Variants in SLC44A2 observed in about 807,000 individuals in gnomAD.
SLC44A2 encodes the protein solute carrier family 44 member 2 (CTL2 blood group), also known as choline transporter-like protein 2.
A neutral mutation model predicts 90.8 loss-of-function variants in SLC44A2; 57 were observed. The observed-to-expected ratio is 0.63, with a 90% CI of 0.51 to 0.78. The LOEUF (loss-of-function observed/expected upper bound fraction) is 0.78, where lower values mean the gene tolerates loss of function less well. Ranked by LOEUF, SLC44A2 falls within the 30% of genes least tolerant of loss-of-function variation. The probability of loss-of-function intolerance (pLI) is 0.00; values close to 1 mark genes in which losing one functional copy is unlikely to be tolerated. For missense variants in SLC44A2, 794 were observed against 919.7 expected (o/e 0.86, Z 1.77); for synonymous variants, 355 against 360.7 (o/e 0.98, Z 0.18).
intron 1 of SLC44A2, among the ~76,000 whole-genome samples, chr19:10,610,361 T>C (rs1421992730): frequency 1.4e-5 from 2 of 144,234 alleles, no homozygotes; most frequent in African/African-American, 5.1e-5. Flanking sequence ...AGACTGAGTC[T>C]CACTCAGTCA....
chr19:10,610,456 C>G (rs1195450508), intron 1 of SLC44A2, among the ~76,000 whole-genome samples: 3 of 149,536 alleles, frequency 2.0e-5, no homozygotes, highest in Admixed American at 6.7e-5. Context: ...CTCAGCCTCC[C>G]GAGTAGCTGG....
At position 10,625,797 on chromosome 19, in the gene SLC44A2, C is replaced by A. The variant is rs1425099464; in HGVS notation, c.37+127C>A. On this transcript the variant is annotated intron_variant, in intron 1 of 21. Coordinates refer to ENST00000335757, the MANE Select transcript of SLC44A2 (RefSeq NM_020428.4). The stretch of plus-strand genomic sequence containing the variant: ...CGCAATTGCAAATCTGCGCCTGGAG[C>A]CTCCCCACCATCAGCCAGGCCCCTT... 3.6e-6 allele frequency: 3 copies of A among 828,524 alleles called. No individual in the cohort carries two copies. In the African/African-American group the frequency reaches 5.3e-5, roughly 15 times the overall value. 51.3% of individuals were successfully genotyped at this position (828,524 alleles called of 1,614,324 possible). A position where few individuals can be genotyped will look rare whatever the true frequency, so the allele number is the denominator to read the frequency against.
In SLC44A2 at chr19:10,636,307, C is replaced by G. The variant is rs138905301; in HGVS notation, c.1234-16C>G. On this transcript the variant is annotated splice_polypyrimidine_tract_variant and intron_variant, in intron 14 of 21. Transcript: ENST00000335757. The stretch of plus-strand genomic sequence containing the variant: ...GGTGCCTCTTTTTGGACTCGGTTCT[C>G]CCTTCTCTCCCACAGACCTTCCCCT... 2.7e-4 allele frequency: 435 copies of G among 1,602,140 alleles called. 1 individual carries two copies. The East Asian group carries it at 9.3e-3, about 34-fold the overall frequency.
rs2066923866 is a variant in SLC44A2, at chr19:10,625,601, G to A, written c.-33G>A. The A allele has an allele frequency of 8.0e-7, 1 of 1,242,644 alleles. No homozygotes were observed. Among genetic ancestry groups the A allele is most frequent in the Non-Finnish European group, 1.0e-6 (1 of 989,712 alleles). 77.0% of individuals were successfully genotyped at this position (1,242,644 alleles called of 1,614,324 possible). A position where few individuals can be genotyped will look rare whatever the true frequency, so the allele number is the denominator to read the frequency against. ...GGGTCGAGGGGGCGCGGGAGAGAGC[G>A]CGGGCGGCCGCCGGGGCTGGTCGCC... On this transcript the variant is annotated 5_prime_UTR_variant, in exon 1 of 22. Coordinates refer to ENST00000335757, the MANE Select transcript of SLC44A2 (RefSeq NM_020428.4).
chr19:10,618,175 T>G (rs2066870559), intron 1 of SLC44A2, among the ~76,000 whole-genome samples: 1 of 17,224 alleles, frequency 5.8e-5, no homozygotes, highest in African/African-American at 1.9e-4. Flanking sequence ...TGGCTAATTT[T>G]TTTTTTTTTT....
At chr19:10,636,164 C>A in intron 14 of SLC44A2, 159 bp from the exon 15 acceptor site, 1 of 858,344 alleles carries the variant, frequency 1.2e-6, no homozygotes, top group Non-Finnish European at 1.8e-6. Context: ...CCTTCCTTTG[C>A]ACAAGCCATA....
chr19:10,611,567 C>A (rs1449184543), intron 1 of SLC44A2, among the ~76,000 whole-genome samples: 1 of 146,740 alleles, frequency 6.8e-6, no homozygotes, highest in Non-Finnish European at 1.5e-5. Flanking sequence ...TCCTATAATC[C>A]CAGCTGTTTG....
At position 10,643,307 on chromosome 19, in the gene SLC44A2, G is replaced by A. The variant is rs34625417; in HGVS notation, c.2043G>A (p.Ser681=). 4.7e-3 allele frequency: 7,589 copies of A among 1,604,308 alleles called. 252 individuals are homozygous for A. In the African/African-American group the frequency reaches 0.081, roughly 17 times the overall value. Residue 681 remains serine (S), a synonymous_variant, in exon 22 of 22, where the codon TCG becomes TCA. Transcript: ENST00000335757. ...AGGACCTGGAGAGGAATGACGGCTCGGCCGAGAGGCCTTACTTCATGTCTT... is the reference window on the plus strand; with the variant it reads ...AGGACCTGGAGAGGAATGACGGCTCAGCCGAGAGGCCTTACTTCATGTCTT... ...FLEDLERNDG[S]AERPYFMSST...
rs756502072 is a variant in SLC44A2, at chr19:10,632,086, C to G, written c.753C>G (p.Ile251Met). 1.1e-5 allele frequency: 17 copies of G among 1,614,162 alleles called. No homozygotes were observed. The highest frequency in any genetic ancestry group is 1.4e-5 in the Non-Finnish European group (17 of 1,180,032). Residue 251 changes from isoleucine to methionine, a missense_variant, in exon 10 of 22, where the codon ATC becomes ATG. By Grantham distance (10) the Ile-to-Met change is conservative (BLOSUM62 1). This residue lies in a region of SLC44A2 where 738 missense variants were observed against 841.1 expected (regional missense o/e 0.88). Transcript: ENST00000335757. ...TGGCGATGAGCCTCCTGTTCATCAT[C>G]CTGCTTCGCTTCCTGGCTGGTATTA... is the stretch of plus-strand genomic sequence containing the variant. Reference protein sequence around the residue: ...IAMAMSLLFIILLRFLAGIMV... With the variant: ...IAMAMSLLFIMLLRFLAGIMV...
chr19:10,628,070 C>A, intron 4 of SLC44A2, 66 bp downstream of exon 4: 1 of 1,405,308 alleles, frequency 7.1e-7, no homozygotes, highest in Non-Finnish European at 9.9e-7. Context: ...AGGCATTCCC[C>A]ATCTCTCTAA....
intron 1 of SLC44A2, among the ~76,000 whole-genome samples, chr19:10,610,496 T>A (rs1361300562): frequency 6.7e-6 from 1 of 149,736 alleles, no homozygotes; most frequent in Non-Finnish European, 1.5e-5. Flanking sequence ...CATGCCCGGC[T>A]GATTTTTTTG....
intron 10 of SLC44A2, among the ~76,000 whole-genome samples, chr19:10,633,273 T>C (rs2067016824): frequency 6.6e-6 from 1 of 151,888 alleles, no homozygotes; most frequent in East Asian, 1.9e-4. Flanking sequence ...CAAGCAATTT[T>C]CCTACCTCGC....
In SLC44A2 at chr19:10,631,325, C is replaced by A. The variant is rs1233666275; in HGVS notation, c.381C>A (p.Arg127=). ...GCTACCTCACGTACCTGAATGCTCG[C>A]AGCTCCCGGGACTTTGAGTACTATA... ...PDRYLTYLNA[R]SSRDFEYYKQ... The change falls in exon 6 of 22, where the codon CGC becomes CGA. Residue 127 remains arginine (R), a synonymous_variant. Transcript: ENST00000335757. The A allele has an allele frequency of 6.2e-7, 1 of 1,614,182 alleles. No homozygotes were observed. Among genetic ancestry groups the A allele is most frequent in the South Asian group, 1.1e-5 (1 of 91,084 alleles).
intron 4 of SLC44A2, among the ~76,000 whole-genome samples, 158 bp downstream of exon 4, chr19:10,628,162 A>T (rs1485410339): frequency 1.3e-5 from 2 of 152,142 alleles, no homozygotes; most frequent in Non-Finnish European, 2.9e-5. Context: ...AGGCAGGAAT[A>T]TTGCTTTAGG....
intron 2 of SLC44A2, 87 bp downstream of exon 2, chr19:10,626,388 C>G: frequency 1.0e-6 from 1 of 971,806 alleles, no homozygotes. Flanking sequence ...TGTTCTCCAA[C>G]AAACTGGTGA....
intron 1 of SLC44A2, among the ~76,000 whole-genome samples, chr19:10,604,748 C>T (rs543134949): frequency 6.6e-6 from 1 of 152,174 alleles, no homozygotes; most frequent in South Asian, 2.1e-4. Flanking sequence ...CTGTCAAGCT[C>T]GATGTGCTCA....
rs570362442 is a variant in SLC44A2 at position 10,631,610 on chromosome 19, C to T, written c.503-16C>T. 13 of 1,613,988 alleles carry T rather than the reference C, an allele frequency of 8.1e-6. No individual in the cohort carries two copies. The South Asian group carries it at 9.9e-5, about 12-fold the overall frequency. The stretch of plus-strand genomic sequence containing the variant: ...AGAGGCTCAGCCTGACTGGTGCCAT[C>T]CTCTGCTCCATGCAGTGGCCCGGAG... On this transcript the variant is annotated splice_polypyrimidine_tract_variant and intron_variant, in intron 7 of 21. Coordinates refer to ENST00000335757, the MANE Select transcript of SLC44A2 (RefSeq NM_020428.4).
intron 1 of SLC44A2, among the ~76,000 whole-genome samples, chr19:10,617,718 T>G (rs960880217): frequency 1.1e-4 from 16 of 152,206 alleles, no homozygotes; most frequent in African/African-American, 3.9e-4. Flanking sequence ...TTCCCTTTTC[T>G]GAGCCTCGGT....
chr19:10,630,485 C>T (rs1475615364), intron 4 of SLC44A2, among the ~76,000 whole-genome samples: 7 of 151,580 alleles, frequency 4.6e-5, no homozygotes, highest in South Asian at 4.2e-4. Context: ...GGCAAAACCC[C>T]GTCTCCACTA....
Sources: allele counts gnomAD v4.1 joint callset (sites outside exome capture counted in the v4.1 genomes callset), GRCh38; gene constraint gnomAD v4.1.1; regional missense constraint gnomAD v4.1.1; transcripts MANE v1.5; gene names NCBI Gene and HGNC (gene_info 2026-07-23, HGNC 2026-07-21).